The following ZNF618 variants were observed in gnomAD, a reference collection of about 807,000 sequenced individuals.
ZNF618 encodes the protein neural precursor cell expressed, developmentally down-regulated 10.
Under a neutral mutation model 103.0 loss-of-function variants are expected in ZNF618, and 34 were observed. The ratio of observed to expected loss-of-function variants is 0.33; its 90% CI spans 0.25 to 0.44. The LOEUF (loss-of-function observed/expected upper bound fraction) is 0.44. Among genes scored for constraint, ZNF618 ranks in the 20% least tolerant of loss-of-function variants. The pLI is 1.00. For missense variants in ZNF618, 1,059 were observed against 1,295.4 expected, an observed-to-expected ratio of 0.82 and a Z score of 2.80; for synonymous variants, 551 against 542.2, an observed-to-expected ratio of 1.02 and a Z score of -0.23.
intron 1 of ZNF618, among the ~76,000 whole-genome samples, chr9:113,899,396 G>C (rs7040839): frequency 0.24 from 35,796 of 152,084 alleles, 4,351 homozygotes; most frequent in East Asian, 0.34. Context: ...GACCAGTACA[G>C]GTCCGTGGCC....
chr9:113,980,579 TAAG>T (rs1488856597), intron 2 of ZNF618, among the ~76,000 whole-genome samples: 1 of 151,954 alleles, frequency 6.6e-6, no homozygotes, highest in East Asian at 1.9e-4. Flanking sequence ...AAAAGATAAA[TAAG>T]AAATAAAAGT....
intron 10 of ZNF618, among the ~76,000 whole-genome samples, chr9:114,020,920 G>T (rs1171419540): frequency 6.6e-6 from 1 of 152,006 alleles, no homozygotes; most frequent in Non-Finnish European, 1.5e-5. Context: ...GTTAGCTAAA[G>T]TAGGTTTTTA....
At chr9:113,922,960 A>G (rs1348461581) in intron 1 of ZNF618, among the ~76,000 whole-genome samples, 1 of 152,092 alleles carries the variant, frequency 6.6e-6, no homozygotes, top group Non-Finnish European at 1.5e-5. Flanking sequence ...ATTTATTTAG[A>G]TCTTCTTTGA....
rs186088813 is a variant in ZNF618 at position 113,973,167 on chromosome 9, C to T, written c.77+4007C>T. 2.9e-4 allele frequency among the ~76,000 whole-genome samples: 44 copies of T among 152,308 alleles called. No individual in the cohort carries two copies. The East Asian group carries it at 8.3e-3, about 29-fold the overall frequency. ...GCCAGGTGGGATTTAGATGGGTAGA[C>T]ACTTTGTAGAGCATTAGAGCTCATT... On this transcript the variant is annotated intron_variant, in intron 2 of 14. Coordinates refer to ENST00000374126, the MANE Select transcript of ZNF618 (RefSeq NM_001318042.2).
At chr9:114,025,857 A>G (rs527263961) in intron 10 of ZNF618, among the ~76,000 whole-genome samples, 12 of 152,332 alleles carry the variant, frequency 7.9e-5, no homozygotes, top group African/African-American at 2.9e-4. Context: ...CTGGCCGCTC[A>G]CGCATTGATA....
chr9:114,051,058 C>T lies in ZNF618; in HGVS notation c.*891C>T, dbSNP rs1462527617. 6.6e-6 allele frequency: 1 copy of T among 152,668 alleles called. No individual in the cohort carries two copies. Among genetic ancestry groups the T allele is most frequent in the Non-Finnish European group, 1.5e-5 (1 of 68,040 alleles). 9.5% of individuals were successfully genotyped at this position (152,668 alleles called of 1,614,324 possible). ...CTGTCTCCACTCCCTAATAATTTCT[C>T]TCCCTAACATTTTAGCAATTTTTAC... On this transcript the variant is annotated 3_prime_UTR_variant, in exon 15 of 15. Transcript: ENST00000374126.
At position 113,904,410 on chromosome 9, in the gene ZNF618, G is replaced by A. The variant is rs187811543; in HGVS notation, c.33+27997G>A. Reference sequence around the variant, plus strand: ...ATATGTCATTTTTGTATCTCTTCCTGTTAATTTTTCTGCTGCTTTCATGCC... The same window carrying A: ...ATATGTCATTTTTGTATCTCTTCCTATTAATTTTTCTGCTGCTTTCATGCC... On this transcript the variant is annotated intron_variant, in intron 1 of 14. Coordinates refer to ENST00000374126, the MANE Select transcript of ZNF618 (RefSeq NM_001318042.2). Among the ~76,000 whole-genome samples the A allele has an allele frequency of 3.2e-3, 480 of 151,918 alleles. 3 individuals are homozygous for A. The highest frequency in any genetic ancestry group is 0.014 in the Middle Eastern group (4 of 294).
Position 113,951,599 on chromosome 9 carries a change from A to ATGTGTGTG in ZNF618, c.34-17517_34-17516insGTGTGTGT, listed in dbSNP as rs1487695700. The stretch of plus-strand genomic sequence containing the variant: ...TATATGTGTGTGTGTGTGTGTGTGT[A>ATGTGTGTG]TATATATGTATATATATATATGTAT... On this transcript the variant is annotated intron_variant, in intron 1 of 14. Transcript: ENST00000374126. Among the ~76,000 whole-genome samples, 131 of 92,072 alleles carry ATGTGTGTG rather than the reference A, an allele frequency of 1.4e-3. 3 individuals carry two copies. The highest frequency in any genetic ancestry group is 4.5e-3 in the African/African-American group (119 of 26,446). The allele number at this position is 92,072 out of a possible 152,430, so 60.4% of individuals were successfully genotyped here.
chr9:113,935,845 G>A (rs1394319837), intron 1 of ZNF618, among the ~76,000 whole-genome samples: 2 of 152,158 alleles, frequency 1.3e-5, no homozygotes, highest in South Asian at 2.1e-4. Flanking sequence ...CTCCTAAGGC[G>A]GATTTGGGGC....
chr9:114,016,013 G>A (rs796069324), intron 9 of ZNF618: 15 of 1,139,818 alleles, frequency 1.3e-5, no homozygotes, highest in African/African-American at 3.1e-5. Flanking sequence ...CCCCAAGGGG[G>A]TAGATGCTGC....
chr9:113,929,788 G>A (rs781585104), intron 1 of ZNF618, among the ~76,000 whole-genome samples: 2 of 152,172 alleles, frequency 1.3e-5, no homozygotes, highest in Non-Finnish European at 2.9e-5. Context: ...CTTGTTACCC[G>A]AGATAAGGAA....
chr9:113,978,314 T>TGGG (rs1838672843), intron 2 of ZNF618, among the ~76,000 whole-genome samples: 1 of 152,242 alleles, frequency 6.6e-6, no homozygotes, highest in African/African-American at 2.4e-5. Flanking sequence ...GTGATGAAGC[T>TGGG]ATGACCTTTT....
intron 11 of ZNF618, among the ~76,000 whole-genome samples, chr9:114,032,340 G>A (rs1390789035): frequency 2.0e-5 from 3 of 152,194 alleles, no homozygotes; most frequent in Admixed American, 6.5e-5. Context: ...AGCCAAAGAT[G>A]GGAGACTCAG....
intron 1 of ZNF618, among the ~76,000 whole-genome samples, chr9:113,889,114 A>T (rs139011156): frequency 6.6e-6 from 1 of 152,248 alleles, no homozygotes; most frequent in Non-Finnish European, 1.5e-5. Context: ...CGCAACAATG[A>T]TCATTTATTG....
chr9:114,032,650 A>T lies in ZNF618; in HGVS notation c.1090A>T (p.Ser364Cys). The change falls in exon 12 of 15, where the codon AGC becomes TGC. Residue 364 changes from serine (S) to cysteine (C), a missense_variant. Transcript: ENST00000374126. Reference sequence around the variant, plus strand: ...CTCTCCTGTCCCCCACCCAGCAGAAAGCGCTTTCAGTCGGAGAGTAGAAGG... The same window carrying T: ...CTCTCCTGTCCCCCACCCAGCAGAATGCGCTTTCAGTCGGAGAGTAGAAGG... Reference protein sequence around the residue: ...SPASKATAAESAFSRRVEGKA... With the variant: ...SPASKATAAECAFSRRVEGKA... 7 of 1,614,012 alleles carry T rather than the reference A, an allele frequency of 4.3e-6. No individual in the cohort carries two copies. Among genetic ancestry groups the T allele is most frequent in the Non-Finnish European group, 5.9e-6 (7 of 1,179,874 alleles).
intron 1 of ZNF618, among the ~76,000 whole-genome samples, chr9:113,958,959 G>A (rs984634827): frequency 2.6e-5 from 4 of 152,182 alleles, no homozygotes; most frequent in Non-Finnish European, 4.4e-5. Flanking sequence ...CTATCCCTGA[G>A]AAACTCTTTT....
chr9:113,879,397 GT>G lies in ZNF618; in HGVS notation c.33+3000del, dbSNP rs35301339. On this transcript the variant is annotated intron_variant, in intron 1 of 14. Coordinates refer to ENST00000374126, the MANE Select transcript of ZNF618 (RefSeq NM_001318042.2). ...GTAGAACTGTTTTTTTTTTTTTTCT[GT>G]TTTTTTTTTTTTTTTAAATTGGTTA... Among the ~76,000 whole-genome samples the G allele has an allele frequency of 1.3e-3, 129 of 95,590 alleles. 2 individuals carry two copies. The highest frequency in any genetic ancestry group is 3.2e-3 in the Admixed American group (28 of 8,816). The allele number at this position is 95,590 out of a possible 152,430, so 62.7% of individuals were successfully genotyped here. A position where few individuals can be genotyped will look rare whatever the true frequency, so the allele number is the denominator to read the frequency against.
In ZNF618 at chr9:114,050,161, G is replaced by C. The variant is rs765800326; in HGVS notation, c.2859G>C (p.Met953Ile). The C allele has an allele frequency of 3.9e-6, 6 of 1,539,374 alleles. No individual in the cohort carries two copies. The Admixed American group carries it at 1.2e-4, about 32-fold the overall frequency. ...MNKLMFLKSN[M>I]L ...AACTCATGTTTCTGAAATCCAACAT[G>C]CTTTAAGACTTGACTTCGGGGGAAA... Residue 953 changes from methionine to isoleucine, a missense_variant, in exon 15 of 15, where the codon ATG (methionine) becomes ATC (isoleucine). Physicochemically the swap from Met to Ile is conservative, Grantham distance 10 (BLOSUM62 1). Around this residue, in one of 6 missense-constraint regions of ZNF618, gnomAD observed 156 missense variants for 197.1 expected, o/e 0.79. Transcript: ENST00000374126.
chr9:114,043,480 A>G (rs780528721), intron 13 of ZNF618, among the ~76,000 whole-genome samples: 15 of 152,242 alleles, frequency 9.9e-5, no homozygotes, highest in Non-Finnish European at 1.9e-4. Flanking sequence ...TCTGACAGCT[A>G]ATAATGTTGA....
Sources: allele counts gnomAD v4.1 joint callset (sites outside exome capture counted in the v4.1 genomes callset), GRCh38; gene constraint gnomAD v4.1.1; regional missense constraint gnomAD v4.1.1; transcripts MANE v1.5; gene names NCBI Gene and HGNC (gene_info 2026-07-23, HGNC 2026-07-21).